TSHZ3: variants seen among roughly 807,000 people sequenced by gnomAD.
The protein encoded by TSHZ3 is teashirt homolog 3.
In TSHZ3, 10 loss-of-function variants were observed where a neutral mutation model predicts 64.5. The ratio of observed to expected loss-of-function variants is 0.16; its 90% CI spans 0.10 to 0.26. The LOEUF is 0.26. Ranked by LOEUF, TSHZ3 falls within the 10% of genes least tolerant of loss-of-function variation. The pLI, the probability that TSHZ3 is intolerant of heterozygous loss-of-function variation, is 1.00. For synonymous variants in TSHZ3, 608 were observed against 593.1 expected (o/e 1.03, Z -0.36); for missense variants, 1,242 against 1,421.7 (o/e 0.87, Z 2.03).
intron 5 of TSHZ3, among the ~76,000 whole-genome samples, chr19:31,199,596 T>C (rs1011375004): frequency 6.7e-6 from 1 of 149,774 alleles, no homozygotes; most frequent in Non-Finnish European, 1.5e-5. Context: ...CCCAAATGAA[T>C]TTGAAACCAC....
At chr19:31,216,946 G>T (rs536060592) in intron 4 of TSHZ3, among the ~76,000 whole-genome samples, 1 of 151,706 alleles carries the variant, frequency 6.6e-6, no homozygotes, top group Non-Finnish European at 1.5e-5. Context: ...ATGAGCCACC[G>T]CGCCTGACCA....
At chr19:31,161,537 C>G (rs939702402) in intron 5 of TSHZ3, among the ~76,000 whole-genome samples, 1 of 152,152 alleles carries the variant, frequency 6.6e-6, no homozygotes, top group Non-Finnish European at 1.5e-5. Context: ...AGAATTCGCT[C>G]TTTACTTGAC....
At position 31,276,996 on chromosome 19, in the gene TSHZ3, T is replaced by C. The variant is rs1959371272; in HGVS notation, c.2797A>G (p.Met933Val). 2 of 1,613,004 alleles carry C rather than the reference T, an allele frequency of 1.2e-6. No homozygotes were observed. Among genetic ancestry groups the C allele is most frequent in the African/African-American group, 1.3e-5 (1 of 74,908 alleles). Residue 933 changes from methionine (M) to valine (V), a missense_variant, in exon 2 of 2, where the codon ATG (methionine) becomes GTG (valine). Around this residue, in one of 4 missense-constraint regions of TSHZ3, gnomAD observed 550 missense variants for 545.1 expected, o/e 1.01. Coordinates refer to ENST00000240587, the MANE Select transcript of TSHZ3 (RefSeq NM_020856.4). ...IMSDLSPQERMHISRFTGLSM... is the reference protein window; with the variant it reads ...IMSDLSPQERVHISRFTGLSM... Reference sequence around the variant, plus strand: ...AGCCCGGTGAACCTGGAGATATGCATCCGCTCCTGGGGGCTCAGGTCTGAC... The same window carrying C: ...AGCCCGGTGAACCTGGAGATATGCACCCGCTCCTGGGGGCTCAGGTCTGAC...
In TSHZ3 at chr19:31,277,429, C is replaced by T. The variant is rs957001270; in HGVS notation, c.2364G>A (p.Gln788=). ...TCTTCCCTTTTGTCAAGTCTATGGGCTGGTCGTTGTTGACGTGGTAGAAAT... is the reference window on the plus strand; with the variant it reads ...TCTTCCCTTTTGTCAAGTCTATGGGTTGGTCGTTGTTGACGTGGTAGAAAT... ...DRYFYHVNND[Q]PIDLTKGKSD... Residue 788 remains glutamine, a synonymous_variant, in exon 2 of 2, where the codon CAG becomes CAA. Transcript: ENST00000240587. This position sits in a 1 kb window ranked among gnomAD's most constrained non-coding sequence, Gnocchi z 4.5. 3 of 1,613,946 alleles carry T rather than the reference C, an allele frequency of 1.9e-6. No individual in the cohort carries two copies. Among genetic ancestry groups the T allele is most frequent in the East Asian group, 2.2e-5 (1 of 44,848 alleles).
chr19:31,191,815 C>T (rs949916399), intron 5 of TSHZ3, among the ~76,000 whole-genome samples: 5 of 152,120 alleles, frequency 3.3e-5, no homozygotes, highest in African/African-American at 1.2e-4. Context: ...GCCATGATCG[C>T]ACCACTGCAC....
intron 4 of TSHZ3, among the ~76,000 whole-genome samples, chr19:31,227,865 A>G (rs903623920): frequency 5.3e-5 from 8 of 152,140 alleles, no homozygotes; most frequent in Non-Finnish European, 1.2e-4. Context: ...AAACCTTGGA[A>G]TCATCTTGGA....
chr19:31,333,106 C>CAATAAATAAATA lies in TSHZ3; in HGVS notation c.40+16062_40+16073dup, dbSNP rs10585080. Among the ~76,000 whole-genome samples the CAATAAATAAATA allele has an allele frequency of 7.9e-4, 109 of 137,902 alleles. 1 individual carries two copies. Among genetic ancestry groups the CAATAAATAAATA allele is most frequent in the African/African-American group, 1.1e-3 (39 of 36,130 alleles). 90.5% of individuals were successfully genotyped at this position (137,902 alleles called of 152,430 possible). A position where few individuals can be genotyped will look rare whatever the true frequency, so the allele number is the denominator to read the frequency against. Reference sequence around the variant, plus strand: ...GGGTGACAAGGGAGATCCTGTCTCACAATAAATAAATAAATAAATAAATAA... The same window carrying CAATAAATAAATA: ...GGGTGACAAGGGAGATCCTGTCTCACAATAAATAAATAAATAAATAAATAAATAAATAAATAA... On this transcript the variant is annotated intron_variant, in intron 1 of 1. Transcript: ENST00000240587.
intron 6 of TSHZ3, among the ~76,000 whole-genome samples, chr19:31,151,991 A>C (rs1285644855): frequency 6.6e-6 from 1 of 152,210 alleles, no homozygotes; most frequent in Non-Finnish European, 1.5e-5. Context: ...TGTGAGAACA[A>C]GTTCATTTAA....
chr19:31,305,757 G>A (rs897080020), intron 1 of TSHZ3: 1 of 152,170 alleles, frequency 6.6e-6, no homozygotes, highest in African/African-American at 2.4e-5. Flanking sequence ...CCTGTGAGTT[G>A]ACTTTTCAGA....
At chr19:31,170,869 C>A (rs552981784) in intron 5 of TSHZ3, among the ~76,000 whole-genome samples, 35 of 152,252 alleles carry the variant, frequency 2.3e-4, no homozygotes, top group Non-Finnish European at 4.9e-4. Flanking sequence ...AGAGAATATA[C>A]AAACAAACTT....
chr19:31,225,845 A>T (rs549582632), intron 4 of TSHZ3, among the ~76,000 whole-genome samples: 3 of 152,204 alleles, frequency 2.0e-5, no homozygotes, highest in African/African-American at 7.2e-5. Flanking sequence ...GCGGTGTGTC[A>T]GCTGGGCACG....
chr19:31,344,870 C>T (rs889719536), intron 1 of TSHZ3, among the ~76,000 whole-genome samples: 3 of 152,184 alleles, frequency 2.0e-5, no homozygotes, highest in South Asian at 2.1e-4. Context: ...AAAAGGCAGA[C>T]GTGTGAGGCA....
At chr19:31,301,198 C>T (rs4805672) in intron 1 of TSHZ3, among the ~76,000 whole-genome samples, 16 of 152,036 alleles carry the variant, frequency 1.1e-4, no homozygotes, top group Admixed American at 1.0e-3. Context: ...CAGTTCATCC[C>T]TCTGCAAAGA....
At chr19:31,312,899 T>C (rs1383854126) in intron 1 of TSHZ3, among the ~76,000 whole-genome samples, 1 of 152,230 alleles carries the variant, frequency 6.6e-6, no homozygotes, top group Non-Finnish European at 1.5e-5. Flanking sequence ...TAGGATTTAA[T>C]GACATTGTTT....
chr19:31,289,458 C>T (rs1267984637), intron 1 of TSHZ3, among the ~76,000 whole-genome samples: 2 of 152,178 alleles, frequency 1.3e-5, no homozygotes, highest in East Asian at 3.9e-4. Context: ...GGAAAGGAGG[C>T]AAGGAAGGAA....
chr19:31,169,673 C>A (rs1974508912), intron 5 of TSHZ3, among the ~76,000 whole-genome samples: 1 of 152,102 alleles, frequency 6.6e-6, no homozygotes, highest in African/African-American at 2.4e-5. Flanking sequence ...GTGTCTGGTC[C>A]TGGAGACACA....
intron 1 of TSHZ3, among the ~76,000 whole-genome samples, chr19:31,293,140 C>T (rs781090895): frequency 3.3e-5 from 5 of 151,896 alleles, no homozygotes; most frequent in Non-Finnish European, 4.4e-5. Flanking sequence ...CATCCATCCG[C>T]CCACCCACCC....
intron 1 of TSHZ3, among the ~76,000 whole-genome samples, chr19:31,318,772 A>G (rs1375773867): frequency 6.6e-6 from 1 of 152,214 alleles, no homozygotes; most frequent in Non-Finnish European, 1.5e-5. Context: ...AAGCCCAACT[A>G]TGGCTCAGAA....
At position 31,337,831 on chromosome 19, in the gene TSHZ3, T is replaced by C. The variant is rs2145191799; in HGVS notation, c.40+11349A>G. Among the ~76,000 whole-genome samples, 3 of 152,244 alleles carry C rather than the reference T, an allele frequency of 2.0e-5. No individual in the cohort carries two copies. In the South Asian group the frequency reaches 6.2e-4, roughly 32 times the overall value. On this transcript the variant is annotated intron_variant, in intron 1 of 1. Transcript: ENST00000240587. ...TCATGGCAGTTGCAGGCGTTTTACA[T>C]GTCAGGGAAAAGTTTGTCCCAGAAG...
Sources: gnomAD v4.1 joint callset for allele counts (sites outside exome capture counted in the v4.1 genomes callset) on GRCh38, gnomAD v4.1.1 for gene constraint, gnomAD v4.1.1 regional missense constraint, Gnocchi (gnomAD v3.1) non-coding constraint, MANE v1.5 for transcripts, NCBI Gene and HGNC (gene_info 2026-07-23, HGNC 2026-07-21) for gene names.